The following CDH12 variants were observed in gnomAD, a reference collection of about 807,000 sequenced individuals.
CDH12 encodes cadherin 12, also known as cadherin-12.
A neutral mutation model predicts 74.1 loss-of-function variants in CDH12; 41 were observed. The observed-to-expected ratio is 0.55, with a 90% CI of 0.43 to 0.72. The LOEUF (loss-of-function observed/expected upper bound fraction) is 0.72. Among genes scored for constraint, CDH12 ranks in the 30% least tolerant of loss-of-function variants. CDH12 has a pLI of 0.00. For synonymous variants in CDH12, 399 were observed against 355.0 expected, an observed-to-expected ratio of 1.12 and a Z score of -1.39; for missense variants, 945 against 977.2, an observed-to-expected ratio of 0.97 and a Z score of 0.44.
chr5:21,801,992 C>T (rs948189799), intron 10 of CDH12, among the ~76,000 whole-genome samples, 175 bp downstream of exon 10: 12 of 152,132 alleles, frequency 7.9e-5, no homozygotes, highest in African/African-American at 2.4e-4. Flanking sequence ...AATATGTTTT[C>T]CCCCCAATCC....
At chr5:22,005,886 C>T (rs1736924901) in intron 5 of CDH12, among the ~76,000 whole-genome samples, 1 of 152,174 alleles carries the variant, frequency 6.6e-6, no homozygotes, top group African/African-American at 2.4e-5. Flanking sequence ...TGTATTCAAA[C>T]TTATGGTTAC....
chr5:22,803,055 C>T (rs896938255), intron 1 of CDH12, among the ~76,000 whole-genome samples: 3 of 152,076 alleles, frequency 2.0e-5, no homozygotes, highest in African/African-American at 7.2e-5. Flanking sequence ...CTAAAGGAAG[C>T]CCAACATCAA....
intron 6 of CDH12, among the ~76,000 whole-genome samples, chr5:21,913,625 T>C (rs1753960138): frequency 6.6e-6 from 1 of 152,102 alleles, no homozygotes; most frequent in Non-Finnish European, 1.5e-5. Context: ...ATTATACATA[T>C]ATTAATCAGA....
At chr5:22,456,972 G>C (rs144960774) in intron 2 of CDH12, among the ~76,000 whole-genome samples, 302 of 152,036 alleles carry the variant, frequency 2.0e-3, no homozygotes, top group African/African-American at 7.1e-3. Context: ...TGCAGTAAAA[G>C]TGATTTTTTT....
At chr5:22,608,436 G>A (rs1737228970) in intron 1 of CDH12, among the ~76,000 whole-genome samples, 1 of 152,180 alleles carries the variant, frequency 6.6e-6, no homozygotes. Context: ...GTTGTATCTA[G>A]GAAGTAACTA....
At chr5:21,997,633 G>C (rs530510103) in intron 5 of CDH12, among the ~76,000 whole-genome samples, 1 of 152,146 alleles carries the variant, frequency 6.6e-6, no homozygotes, top group Admixed American at 6.6e-5. Context: ...AAATACTAGA[G>C]ATGCCATGAA....
intron 6 of CDH12, among the ~76,000 whole-genome samples, chr5:21,866,940 T>C (rs1176324520): frequency 6.6e-6 from 1 of 152,120 alleles, no homozygotes; most frequent in Non-Finnish European, 1.5e-5. Flanking sequence ...GACATGGTGC[T>C]CTGTGTCCCA....
chr5:22,175,720 T>C (rs1014289953), intron 4 of CDH12, among the ~76,000 whole-genome samples: 3 of 152,126 alleles, frequency 2.0e-5, no homozygotes, highest in African/African-American at 7.2e-5. Flanking sequence ...TGAATGCTGA[T>C]GGCAGAATGA....
At chr5:22,038,364 G>A (rs1318425308) in intron 5 of CDH12, among the ~76,000 whole-genome samples, 1 of 152,214 alleles carries the variant, frequency 6.6e-6, no homozygotes, top group Middle Eastern at 3.4e-3. Flanking sequence ...CTAGGGGGCT[G>A]AGCTGAAGCT....
At chr5:22,083,425 A>G (rs1334804924) in intron 4 of CDH12, among the ~76,000 whole-genome samples, 1 of 152,138 alleles carries the variant, frequency 6.6e-6, no homozygotes, top group African/African-American at 2.4e-5. Flanking sequence ...AAGAGAAGCT[A>G]GGGAGGAGTA....
At chr5:22,748,830 A>G (rs183586150) in intron 1 of CDH12, among the ~76,000 whole-genome samples, 22 of 152,312 alleles carry the variant, frequency 1.4e-4, no homozygotes, top group Admixed American at 1.3e-3. Flanking sequence ...AACATAAACA[A>G]AAACAAGCTT....
chr5:22,600,113 T>C (rs557583956), intron 1 of CDH12, among the ~76,000 whole-genome samples: 3 of 152,284 alleles, frequency 2.0e-5, no homozygotes, highest in Non-Finnish European at 4.4e-5. Context: ...CTGTGTGCTG[T>C]TGGGCAGGTC....
intron 1 of CDH12, among the ~76,000 whole-genome samples, chr5:22,655,968 C>T (rs1302850738): frequency 1.3e-5 from 2 of 152,100 alleles, no homozygotes; most frequent in Non-Finnish European, 2.9e-5. Flanking sequence ...TCAAGTGTTG[C>T]TGTGGTGGAA....
chr5:22,401,390 T>G (rs2126448176), intron 3 of CDH12, among the ~76,000 whole-genome samples: 1 of 152,326 alleles, frequency 6.6e-6, no homozygotes, highest in South Asian at 2.1e-4. Context: ...TACTAATGTT[T>G]ATTTACCTAA....
intron 7 of CDH12, among the ~76,000 whole-genome samples, chr5:21,848,222 C>T (rs1334488729): frequency 6.6e-6 from 1 of 151,942 alleles, no homozygotes; most frequent in African/African-American, 2.4e-5. Flanking sequence ...TTTGATTAGA[C>T]CTGAAAGAGA....
rs79284340 is a variant in CDH12, at chr5:22,256,878, C to T, written c.-332-44235G>A. 7.3e-3 allele frequency among the ~76,000 whole-genome samples: 1,104 copies of T among 152,146 alleles called. 14 individuals carry two copies. The highest frequency in any genetic ancestry group is 0.026 in the African/African-American group (1,061 of 41,520). On this transcript the variant is annotated intron_variant, in intron 3 of 14. Coordinates refer to ENST00000382254, the MANE Select transcript of CDH12 (RefSeq NM_004061.5). Reference sequence around the variant, plus strand: ...GATACAAATCATTCTGTTTTAAAGACACATGCAAGTGTATGTTCACAATAG... The same window carrying T: ...GATACAAATCATTCTGTTTTAAAGATACATGCAAGTGTATGTTCACAATAG...
intron 2 of CDH12, among the ~76,000 whole-genome samples, chr5:22,436,738 G>T (rs1378249365): frequency 6.6e-6 from 1 of 151,946 alleles, no homozygotes; most frequent in Admixed American, 6.6e-5. Context: ...ACCCATTTTT[G>T]TTGTTGTTCT....
intron 4 of CDH12, among the ~76,000 whole-genome samples, chr5:22,194,538 G>A (rs765500266): frequency 1.3e-5 from 2 of 151,854 alleles, no homozygotes; most frequent in Non-Finnish European, 2.9e-5. Flanking sequence ...CACCATGTTG[G>A]CAAGGCTGGT....
chr5:22,051,859 T>TGAAAAGAGAGATGTTTCGGGG (rs1302070988), intron 5 of CDH12, among the ~76,000 whole-genome samples: 2 of 152,078 alleles, frequency 1.3e-5, no homozygotes, highest in Non-Finnish European at 2.9e-5. Flanking sequence ...GGGTGTAATT[T>TGAAAAGAGAGATGTTTCGGGG]GAAAAGAGAG....
Sources: allele counts gnomAD v4.1 joint callset (sites outside exome capture counted in the v4.1 genomes callset), GRCh38; gene constraint gnomAD v4.1.1; transcripts MANE v1.5; gene names NCBI Gene and HGNC (gene_info 2026-07-23, HGNC 2026-07-21).